The following RIPOR2 variants were observed in gnomAD, a reference collection of about 807,000 sequenced individuals.
The protein encoded by RIPOR2 is RHO family interacting cell polarization regulator 2.
In RIPOR2, 39 loss-of-function variants were observed where a neutral mutation model predicts 114.5. The observed-to-expected ratio is 0.34, with a 90% CI of 0.26 to 0.44. The LOEUF is 0.44. Among genes scored for constraint, RIPOR2 ranks in the 20% least tolerant of loss-of-function variants. The pLI is 1.00. For synonymous variants in RIPOR2, 445 were observed against 484.4 expected (o/e 0.92, Z 1.07); for missense variants, 1,007 against 1,255.1 (o/e 0.80, Z 2.99).
chr6:24,869,997 A>C (rs1765000767), intron 5 of RIPOR2, among the ~76,000 whole-genome samples: 1 of 152,228 alleles, frequency 6.6e-6, no homozygotes, highest in African/African-American at 2.4e-5. Context: ...ACTATGATTC[A>C]GCATTGAAAT....
chr6:25,010,866 A>T (rs1775748892), intron 1 of RIPOR2, among the ~76,000 whole-genome samples: 1 of 152,232 alleles, frequency 6.6e-6, no homozygotes. Flanking sequence ...CATATAGGTT[A>T]TAGGGGAAGA....
At chr6:24,875,104 A>G (rs1184392977) in intron 2 of RIPOR2, among the ~76,000 whole-genome samples, 1 of 152,260 alleles carries the variant, frequency 6.6e-6, no homozygotes, top group African/African-American at 2.4e-5. Flanking sequence ...CACCGTGTGC[A>G]CAAATGGGAC....
rs34572978 is a variant in RIPOR2, at chr6:25,005,738, T to TATATATATATACACAC, written c.76+36112_76+36113insGTGTGTATATATATAT. Among the ~76,000 whole-genome samples, 68 of 70,694 alleles carry TATATATATATACACAC rather than the reference T, an allele frequency of 9.6e-4. 5 individuals carry two copies. The highest frequency in any genetic ancestry group is 2.0e-3 in the Non-Finnish European group (61 of 30,018). The allele number at this position is 70,694 out of a possible 152,430, so 46.4% of individuals were successfully genotyped here. A position where few individuals can be genotyped will look rare whatever the true frequency, so the allele number is the denominator to read the frequency against. ...ATATATATATATATATATATATATA[T>TATATATATATACACAC]ATACATTTACCGATCAAAAGATATG... On this transcript the variant is annotated intron_variant, in intron 1 of 13. Transcript: ENST00000510784.
chr6:24,927,411 A>G (rs763991992), intron 1 of RIPOR2, among the ~76,000 whole-genome samples: 96 of 151,622 alleles, frequency 6.3e-4, no homozygotes, highest in Non-Finnish European at 6.3e-4. Flanking sequence ...CACCACAACT[A>G]TAACTATCAC....
chr6:24,997,034 C>T (rs1775078882), intron 1 of RIPOR2, among the ~76,000 whole-genome samples: 1 of 152,214 alleles, frequency 6.6e-6, no homozygotes. Context: ...TTCTCAATCT[C>T]ACAGTTTCAA....
At chr6:24,967,495 G>T (rs1386493839) in intron 1 of RIPOR2, among the ~76,000 whole-genome samples, 3 of 152,128 alleles carry the variant, frequency 2.0e-5, no homozygotes, top group Non-Finnish European at 4.4e-5. Context: ...TGGCAAGGGT[G>T]ATCAAGATCA....
chr6:24,974,203 G>A (rs1242698249), intron 1 of RIPOR2, among the ~76,000 whole-genome samples: 2 of 152,104 alleles, frequency 1.3e-5, no homozygotes, highest in Non-Finnish European at 2.9e-5. Flanking sequence ...GGGTAACATA[G>A]TGAGACCTCC....
chr6:24,967,908 TC>T (rs569395410), intron 1 of RIPOR2, among the ~76,000 whole-genome samples: 1 of 80,782 alleles, frequency 1.2e-5, no homozygotes, highest in African/African-American at 4.7e-5. Flanking sequence ...AAGATCTCAA[TC>T]TTTTTTTTTT....
At chr6:24,949,777 G>A (rs1046702712) in intron 1 of RIPOR2, among the ~76,000 whole-genome samples, 4 of 152,258 alleles carry the variant, frequency 2.6e-5, no homozygotes, top group African/African-American at 7.2e-5. Context: ...GAGTTCACCA[G>A]GGCCTAGCTC....
intron 1 of RIPOR2, among the ~76,000 whole-genome samples, chr6:24,895,438 T>A (rs59492351): frequency 0.037 from 4,367 of 117,786 alleles, 196 homozygotes; most frequent in African/African-American, 0.14. Flanking sequence ...ATACGTACTT[T>A]AAAAAAAAAA....
At chr6:24,865,537 T>A in intron 6 of RIPOR2, 87 bp from the exon 7 acceptor site, 1 of 1,149,672 alleles carries the variant, frequency 8.7e-7, no homozygotes, top group Non-Finnish European at 1.2e-6. Flanking sequence ...ATTTACTTTA[T>A]ATTTCTGACC....
chr6:24,829,553 G>A lies in RIPOR2; in HGVS notation c.2506+956C>T, dbSNP rs992193999. Among the ~76,000 whole-genome samples, 3 of 152,198 alleles carry A rather than the reference G, an allele frequency of 2.0e-5. No homozygotes were observed. In the South Asian group the frequency reaches 6.2e-4, roughly 32 times the overall value. Reference sequence around the variant, plus strand: ...GAGGCAGGAGAATCTCCTGAGCCCAGGAGATTGAGGCTGCAGTGAGCTGTT... The same window carrying A: ...GAGGCAGGAGAATCTCCTGAGCCCAAGAGATTGAGGCTGCAGTGAGCTGTT... On this transcript the variant is annotated intron_variant, in intron 17 of 21. Coordinates refer to ENST00000643898, the MANE Select transcript of RIPOR2 (RefSeq NM_001286445.3).
chr6:24,837,984 A>C lies in RIPOR2; in HGVS notation c.2039+1107T>G, dbSNP rs143901562. Among the ~76,000 whole-genome samples, 835 of 152,294 alleles carry C rather than the reference A, an allele frequency of 5.5e-3. 8 individuals are homozygous for C. Among genetic ancestry groups the C allele is most frequent in the African/African-American group, 0.019 (808 of 41,560 alleles). ...CGGGCAATCCACCCCCATTTTGGGA[A>C]AGTGTGTTTTCTTTCACAGCAATTG... On this transcript the variant is annotated intron_variant, in intron 14 of 21. Transcript: ENST00000643898.
chr6:24,859,062 C>G (rs961264280), intron 8 of RIPOR2, among the ~76,000 whole-genome samples: 6 of 152,138 alleles, frequency 3.9e-5, no homozygotes, highest in Non-Finnish European at 2.9e-5. Context: ...GGTGGGAATG[C>G]ATTAGGAACA....
At chr6:24,880,298 T>C (rs1766221490) in intron 1 of RIPOR2, among the ~76,000 whole-genome samples, 1 of 152,182 alleles carries the variant, frequency 6.6e-6, no homozygotes, top group Non-Finnish European at 1.5e-5. Context: ...TAACATTATG[T>C]GGCAGTTAAA....
rs772514284 is a variant in RIPOR2 at position 24,952,324 on chromosome 6, C to T, written c.77-76507G>A. 3.7e-4 allele frequency among the ~76,000 whole-genome samples: 57 copies of T among 152,158 alleles called. 2 individuals are homozygous for T. Among genetic ancestry groups the T allele is most frequent in the Non-Finnish European group, 5.3e-4 (36 of 68,026 alleles). On this transcript the variant is annotated intron_variant, in intron 1 of 13. Coordinates refer to the RIPOR2 transcript ENST00000510784. Reference sequence around the variant, plus strand: ...TCATCCATCCATTCATCCAGCCAGTCAGACAGCATTTACTGGGGATCCTGT... The same window carrying T: ...TCATCCATCCATTCATCCAGCCAGTTAGACAGCATTTACTGGGGATCCTGT...
intron 1 of RIPOR2, among the ~76,000 whole-genome samples, chr6:24,877,826 C>T (rs1581688679): frequency 6.6e-6 from 1 of 152,058 alleles, no homozygotes; most frequent in Non-Finnish European, 1.5e-5. Context: ...AGGGTTGGAC[C>T]GCACAGTCTA....
At chr6:24,852,881 G>C (rs1423036924) in intron 8 of RIPOR2, among the ~76,000 whole-genome samples, 3 of 152,212 alleles carry the variant, frequency 2.0e-5, no homozygotes, top group African/African-American at 7.2e-5. Flanking sequence ...CTAGAGCTCA[G>C]AATATCTTGG....
intron 1 of RIPOR2, among the ~76,000 whole-genome samples, chr6:24,918,277 C>T (rs1770235440): frequency 6.6e-6 from 1 of 152,118 alleles, no homozygotes; most frequent in African/African-American, 2.4e-5. Context: ...CCGTCAGCTT[C>T]CTGACATTGG....
Sources: allele counts gnomAD v4.1 joint callset (sites outside exome capture counted in the v4.1 genomes callset), GRCh38; gene constraint gnomAD v4.1.1; transcripts MANE v1.5; gene names NCBI Gene and HGNC (gene_info 2026-07-23, HGNC 2026-07-21).